The following TNNI3K variants were observed in gnomAD, a reference collection of about 807,000 sequenced individuals.
TNNI3K encodes serine/threonine-protein kinase TNNI3K.
TNNI3K carries 140 observed loss-of-function variants against 114.5 expected under a neutral mutation model. That is an observed-to-expected ratio of 1.22 (90% CI 1.07 to 1.41). The LOEUF (loss-of-function observed/expected upper bound fraction) is 1.41. Ranked by LOEUF, TNNI3K falls within the 40% of genes most tolerant of loss-of-function variation. The pLI, the probability that TNNI3K is intolerant of heterozygous loss-of-function variation, is 0.00. For synonymous variants in TNNI3K, 347 were observed against 347.5 expected (o/e 1.00, Z 0.02); for missense variants, 1,125 against 1,007.6 (o/e 1.12, Z -1.58).
In TNNI3K at chr1:74,236,179, A is replaced by G; in HGVS notation, c.118A>G (p.Lys40Glu). The G allele has an allele frequency of 1.2e-6, 2 of 1,607,896 alleles. No individual in the cohort carries two copies. The highest frequency in any genetic ancestry group is 2.2e-5 in the South Asian group (2 of 90,788). ...RLEDDLQIKE[K>E]ELTELRNIFG... is the part of the protein sequence containing the mutation. ...AGAAGATGACCTGCAGATCAAGGAA[A>G]AAGAACTGACAGAACTAAGGAATAT... Residue 40 changes from lysine (K) to glutamate (E), a missense_variant, in exon 2 of 25, where the codon AAA becomes GAA. Physicochemically the swap from Lys to Glu is moderately conservative, Grantham distance 56 (BLOSUM62 1). Transcript: ENST00000326637.
At chr1:74,500,649 A>G (rs1287588917) in intron 23 of TNNI3K, among the ~76,000 whole-genome samples, 1 of 131,206 alleles carries the variant, frequency 7.6e-6, no homozygotes, top group Non-Finnish European at 1.6e-5. Context: ...AAAAAAAAAA[A>G]AAAAAAAAAA....
intron 23 of TNNI3K, among the ~76,000 whole-genome samples, chr1:74,513,025 A>G (rs143661090): frequency 1.8e-4 from 28 of 152,338 alleles, no homozygotes; most frequent in African/African-American, 6.5e-4. Context: ...AGAGGAAAAT[A>G]GTCTTGACTC....
intron 5 of TNNI3K, among the ~76,000 whole-genome samples, chr1:74,323,157 A>G (rs1659714131): frequency 6.6e-6 from 1 of 152,278 alleles, no homozygotes; most frequent in Non-Finnish European, 1.5e-5. Flanking sequence ...TGGTAATATG[A>G]CTATCACTGA....
intron 5 of TNNI3K, among the ~76,000 whole-genome samples, chr1:74,302,469 T>C (rs1047245968): frequency 8.5e-5 from 13 of 152,220 alleles, no homozygotes; most frequent in Admixed American, 6.5e-5. Flanking sequence ...AAAGCTGAGA[T>C]AGGCCAAAAG....
At chr1:74,288,775 C>T (rs968874928) in intron 5 of TNNI3K, among the ~76,000 whole-genome samples, 1 of 151,678 alleles carries the variant, frequency 6.6e-6, no homozygotes, top group African/African-American at 2.4e-5. Flanking sequence ...ATGTTCTTAC[C>T]ACAAAAATTT....
At chr1:74,345,024 T>C (rs1191104727) in intron 9 of TNNI3K, among the ~76,000 whole-genome samples, 1 of 152,034 alleles carries the variant, frequency 6.6e-6, no homozygotes, top group Non-Finnish European at 1.5e-5. Context: ...CGCATACACG[T>C]GTGTGCATGT....
chr1:74,318,939 G>A (rs1294833345), intron 5 of TNNI3K, among the ~76,000 whole-genome samples: 1 of 152,210 alleles, frequency 6.6e-6, no homozygotes, highest in Non-Finnish European at 1.5e-5. Context: ...GTTTTAAATA[G>A]TGAATTGAGA....
intron 17 of TNNI3K, among the ~76,000 whole-genome samples, chr1:74,430,539 G>A (rs2100652782): frequency 6.6e-6 from 1 of 152,190 alleles, no homozygotes; most frequent in South Asian, 2.1e-4. Flanking sequence ...AGAACTGAAG[G>A]TCAGAGCATG....
chr1:74,313,727 C>T (rs1329404166), intron 5 of TNNI3K, among the ~76,000 whole-genome samples: 1 of 152,110 alleles, frequency 6.6e-6, no homozygotes, highest in African/African-American at 2.4e-5. Flanking sequence ...TGTCTCAGGG[C>T]CTGCCTGGTG....
intron 23 of TNNI3K, among the ~76,000 whole-genome samples, chr1:74,517,598 G>A (rs1570731370): frequency 6.6e-6 from 1 of 152,166 alleles, no homozygotes; most frequent in Admixed American, 6.5e-5. Flanking sequence ...TGTGTGCTAA[G>A]CATTATGTAT....
At chr1:74,340,453 C>T (rs926312584) in intron 7 of TNNI3K, among the ~76,000 whole-genome samples, 2 of 152,082 alleles carry the variant, frequency 1.3e-5, no homozygotes, top group Non-Finnish European at 2.9e-5. Flanking sequence ...AAACTAAATA[C>T]ATCACAATGA....
At chr1:74,297,613 T>C (rs1457574460) in intron 5 of TNNI3K, among the ~76,000 whole-genome samples, 6 of 152,034 alleles carry the variant, frequency 3.9e-5, no homozygotes, top group African/African-American at 1.4e-4. Context: ...GTTGTTTCCA[T>C]ATCTTGACTA....
At chr1:74,413,052 T>A (rs1664961719) in intron 17 of TNNI3K, among the ~76,000 whole-genome samples, 1 of 152,238 alleles carries the variant, frequency 6.6e-6, no homozygotes, top group Non-Finnish European at 1.5e-5. Context: ...TTATTAGTGA[T>A]GTCAGGTTAA....
intron 17 of TNNI3K, among the ~76,000 whole-genome samples, chr1:74,429,516 A>G (rs1298802028): frequency 6.6e-6 from 1 of 152,114 alleles, no homozygotes; most frequent in Non-Finnish European, 1.5e-5. Context: ...CCAAAAGTTC[A>G]TGAGGGGTTT....
At chr1:74,338,861 A>G (rs1660613373) in intron 7 of TNNI3K, among the ~76,000 whole-genome samples, 1 of 152,132 alleles carries the variant, frequency 6.6e-6, no homozygotes, top group Admixed American at 6.6e-5. Context: ...ATTATTATAA[A>G]CAACCTATGT....
intron 17 of TNNI3K, among the ~76,000 whole-genome samples, chr1:74,388,478 A>G (rs762184018): frequency 6.6e-6 from 1 of 152,134 alleles, no homozygotes; most frequent in African/African-American, 2.4e-5. Flanking sequence ...TTAAAAATAT[A>G]CCTTTTAACA....
At chr1:74,482,720 A>G (rs145537786) in intron 21 of TNNI3K, among the ~76,000 whole-genome samples, 35 of 152,336 alleles carry the variant, frequency 2.3e-4, no homozygotes, top group African/African-American at 6.3e-4. Context: ...AAGGTGTCTT[A>G]TTAAATTGTT....
chr1:74,327,706 A>G (rs1458244132), intron 5 of TNNI3K, among the ~76,000 whole-genome samples: 1 of 146,706 alleles, frequency 6.8e-6, no homozygotes, highest in Non-Finnish European at 1.5e-5. Context: ...TATATATTCT[A>G]TACATTTAAT....
intron 21 of TNNI3K, among the ~76,000 whole-genome samples, chr1:74,472,779 T>C (rs1173114052): frequency 3.3e-5 from 5 of 152,162 alleles, no homozygotes. Context: ...TTTTGAAATA[T>C]AGCCAGGTTT....
Sources: gnomAD v4.1 joint callset for allele counts (sites outside exome capture counted in the v4.1 genomes callset) on GRCh38, gnomAD v4.1.1 for gene constraint, MANE v1.5 for transcripts, NCBI Gene and HGNC (gene_info 2026-07-23, HGNC 2026-07-21) for gene names.